The following ABHD2 variants were observed in gnomAD, a reference collection of about 807,000 sequenced individuals.
ABHD2 encodes the protein monoacylglycerol lipase ABHD2.
A neutral mutation model predicts 48.1 loss-of-function variants in ABHD2; 20 were observed. That is an observed-to-expected ratio of 0.42 (90% CI 0.29 to 0.60). The LOEUF is 0.60. Ranked by LOEUF, ABHD2 falls within the 20% of genes least tolerant of loss-of-function variation. ABHD2 has a pLI of 0.24. For synonymous variants in ABHD2, 209 were observed against 214.2 expected, an observed-to-expected ratio of 0.98 and a Z score of 0.21; for missense variants, 405 against 550.9, an observed-to-expected ratio of 0.74 and a Z score of 2.65.
chr15:89,060,676 T>C, the ABHD2 span, among the ~76,000 whole-genome samples: 1 of 152,138 alleles, frequency 6.6e-6, no homozygotes, highest in African/African-American at 2.4e-5. Context: ...AGGAAGTTGT[T>C]TGAAGCTTTT....
intron 3 of ABHD2, among the ~76,000 whole-genome samples, chr15:89,133,122 A>AC (rs2050245807): frequency 6.6e-6 from 1 of 152,164 alleles, no homozygotes; most frequent in Non-Finnish European, 1.5e-5. Context: ...AGAACCTATG[A>AC]CCTTGTACCC....
In ABHD2 at chr15:89,185,382, C is replaced by G. The variant is rs185898664; in HGVS notation, c.723-42C>G. On this transcript the variant is annotated intron_variant, in intron 6 of 10. Transcript: ENST00000352732. The surrounding 1 kb of genome is among the most constrained non-coding windows in gnomAD (Gnocchi z 5.9). ...GCCCCCTCCTGGCTGCCCGCCTGCA[C>G]CCCCACACCGCAGTCACCCTCACTC... The G allele has an allele frequency of 1.9e-6, 3 of 1,568,572 alleles. No individual in the cohort carries two copies. In the South Asian group the frequency reaches 3.3e-5, roughly 17 times the overall value.
chr15:89,125,712 G>C (rs1456425176), intron 3 of ABHD2, among the ~76,000 whole-genome samples: 1 of 152,132 alleles, frequency 6.6e-6, no homozygotes, highest in Non-Finnish European at 1.5e-5. Flanking sequence ...TCACTATCTT[G>C]GATGTTGCCT....
chr15:89,175,887 G>C lies in ABHD2; in HGVS notation c.614G>C (p.Gly205Ala). ...TYPLTQLVVV[G>A]FSLGGNIVCK... ...CCCCTGACCCAGCTGGTCGTCGTGG[G>C]CTTCAGCCTGGGTGGTAACATTGTG... is the stretch of plus-strand genomic sequence containing the variant. Residue 205 changes from glycine (G) to alanine (A), a missense_variant, in exon 6 of 11, where the codon GGC (glycine) becomes GCC (alanine). Gly to Ala is a moderately conservative substitution (Grantham distance 60). Transcript: ENST00000352732. This position sits in a 1 kb window ranked among gnomAD's most constrained non-coding sequence, Gnocchi z 5.7. The C allele has an allele frequency of 6.2e-7, 1 of 1,614,126 alleles. No individual in the cohort carries two copies. The highest frequency in any genetic ancestry group is 8.5e-7 in the Non-Finnish European group (1 of 1,180,014).
At chr15:89,190,344 C>A (rs574582877) in intron 8 of ABHD2, among the ~76,000 whole-genome samples, 2 of 152,322 alleles carry the variant, frequency 1.3e-5, no homozygotes, top group South Asian at 4.1e-4. Context: ...TCATGCTGAG[C>A]ACTGAAGGTT....
At chr15:89,085,686 T>C (rs1901335543), upstream of ABHD2, among the ~76,000 whole-genome samples, 1 of 152,202 alleles carries the variant, frequency 6.6e-6, no homozygotes, top group South Asian at 2.1e-4. The surrounding 1 kb of genome is among the most constrained non-coding windows in gnomAD (Gnocchi z 4.2). Flanking sequence ...GCTGAACCTA[T>C]GTTCCTGAGA....
intron 9 of ABHD2, among the ~76,000 whole-genome samples, chr15:89,192,729 A>G (rs940966106): frequency 2.0e-5 from 3 of 152,018 alleles, no homozygotes; most frequent in African/African-American, 7.2e-5. Flanking sequence ...ACAAATAGAG[A>G]CTGGGCTGTG....
chr15:89,047,573 G>C, the ABHD2 span, among the ~76,000 whole-genome samples: 2 of 146,684 alleles, frequency 1.4e-5, no homozygotes, highest in African/African-American at 5.2e-5. Context: ...TTATGAATCT[G>C]GGTGCTCCTG....
chr15:89,170,853 C>T (rs1249216452), intron 5 of ABHD2, among the ~76,000 whole-genome samples: 1 of 152,146 alleles, frequency 6.6e-6, no homozygotes, highest in Non-Finnish European at 1.5e-5. Context: ...CGCGGTGGCT[C>T]ACACCTGTAA....
At chr15:89,098,225 T>A (rs2049644994) in intron 1 of ABHD2, among the ~76,000 whole-genome samples, 1 of 152,174 alleles carries the variant, frequency 6.6e-6, no homozygotes, top group Admixed American at 6.5e-5. Flanking sequence ...TCCTATTACT[T>A]TTTCTCATGT....
At chr15:89,070,500 G>C in the ABHD2 span, among the ~76,000 whole-genome samples, 12 of 152,086 alleles carry the variant, frequency 7.9e-5, no homozygotes, top group African/African-American at 2.9e-4. Context: ...GTTTCCTCTT[G>C]GTCTGGAGAT....
chr15:89,126,209 G>A lies in ABHD2; in HGVS notation c.194+9688G>A, dbSNP rs190244960. Among the ~76,000 whole-genome samples, 25 of 152,292 alleles carry A rather than the reference G, an allele frequency of 1.6e-4. No homozygotes were observed. The East Asian group carries it at 4.1e-3, about 25-fold the overall frequency. ...GGTATCAAATTCAGTACATGTGGAC[G>A]GTAAGTGGGCCTTGGCTCCACGTGT... On this transcript the variant is annotated intron_variant, in intron 3 of 10. Coordinates refer to ENST00000352732, the MANE Select transcript of ABHD2 (RefSeq NM_152924.5).
In ABHD2 at chr15:89,102,531, T is replaced by C. The variant is rs2049717482; in HGVS notation, c.-106-11194T>C. ...TCCTCTTCATTTGCAAGCCACTGCT[T>C]TATCCACGAGGGTGCTCCCTACTTA... On this transcript the variant is annotated intron_variant, in intron 1 of 10. Coordinates refer to ENST00000352732, the MANE Select transcript of ABHD2 (RefSeq NM_152924.5). The surrounding 1 kb of genome is among the most constrained non-coding windows in gnomAD (Gnocchi z 4.8). 6.6e-6 allele frequency: 1 copy of C among 152,244 alleles called. No homozygotes were observed. The highest frequency in any genetic ancestry group is 2.4e-5 in the African/African-American group (1 of 41,460). The allele number at this position is 152,244 out of a possible 1,614,324, so 9.4% of individuals were successfully genotyped here. A position where few individuals can be genotyped will look rare whatever the true frequency, so the allele number is the denominator to read the frequency against.
Position 89,174,620 on chromosome 15 carries a change from CA to C in ABHD2, c.539-1188del, listed in dbSNP as rs1251909717. Among the ~76,000 whole-genome samples, 2 of 152,214 alleles carry C rather than the reference CA, an allele frequency of 1.3e-5. No individual in the cohort carries two copies. Among genetic ancestry groups the C allele is most frequent in the Non-Finnish European group, 2.9e-5 (2 of 68,040 alleles). ...AGCTGTTCAACTCTATTAAGAATGC[CA>C]AAACCTCTGAGCTGGTGCCAAAGTC... On this transcript the variant is annotated intron_variant, in intron 5 of 10. Coordinates refer to ENST00000352732, the MANE Select transcript of ABHD2 (RefSeq NM_152924.5). The surrounding 1 kb of genome is among the most constrained non-coding windows in gnomAD (Gnocchi z 4.1).
chr15:89,191,025 C>G, intron 8 of ABHD2, 55 bp from the exon 9 acceptor site: 1 of 1,574,578 alleles, frequency 6.4e-7, no homozygotes. Flanking sequence ...GCATTCTGAT[C>G]TTAAAGACCA....
chr15:89,189,730 T>C lies in ABHD2; in HGVS notation c.927-1350T>C, dbSNP rs968492797. 2.0e-4 allele frequency among the ~76,000 whole-genome samples: 31 copies of C among 152,070 alleles called. 1 individual carries two copies. The highest frequency in any genetic ancestry group is 7.5e-4 in the African/African-American group (31 of 41,396). On this transcript the variant is annotated intron_variant, in intron 8 of 10. Coordinates refer to ENST00000352732, the MANE Select transcript of ABHD2 (RefSeq NM_152924.5). The surrounding 1 kb of genome is among the most constrained non-coding windows in gnomAD (Gnocchi z 4.9). Reference sequence around the variant, plus strand: ...GCTGGTATGTTCAGAAGGTGAAAAATGAATCTTACCCACCCTCACTTCAGA... The same window carrying C: ...GCTGGTATGTTCAGAAGGTGAAAAACGAATCTTACCCACCCTCACTTCAGA...
chr15:89,117,720 C>A (rs1208450567), intron 3 of ABHD2, among the ~76,000 whole-genome samples: 1 of 152,216 alleles, frequency 6.6e-6, no homozygotes, highest in East Asian at 1.9e-4. Flanking sequence ...CCTGATAGCA[C>A]CTCTCATCAC....
the ABHD2 span, among the ~76,000 whole-genome samples, chr15:89,052,580 C>T: frequency 2.8e-5 from 4 of 144,264 alleles, no homozygotes; most frequent in East Asian, 2.1e-4. Context: ...CACACACACA[C>T]GACACACACA....
rs1347537460 is a variant in ABHD2, at chr15:89,102,109, C to G, written c.-106-11616C>G. On this transcript the variant is annotated intron_variant, in intron 1 of 10. Coordinates refer to ENST00000352732, the MANE Select transcript of ABHD2 (RefSeq NM_152924.5). This position sits in a 1 kb window ranked among gnomAD's most constrained non-coding sequence, Gnocchi z 4.8. ...TCCAAAACACACCCCTCTTGTCCATCTGCCCATTTCCTGACCGCCCAGCAT... is the reference window on the plus strand; with the variant it reads ...TCCAAAACACACCCCTCTTGTCCATGTGCCCATTTCCTGACCGCCCAGCAT... Among the ~76,000 whole-genome samples, 1 of 152,174 alleles carries G rather than the reference C, an allele frequency of 6.6e-6. No homozygotes were observed. Among genetic ancestry groups the G allele is most frequent in the East Asian group, 1.9e-4 (1 of 5,190 alleles).
Sources: allele counts gnomAD v4.1 joint callset (sites outside exome capture counted in the v4.1 genomes callset), GRCh38; gene constraint gnomAD v4.1.1; non-coding constraint Gnocchi (gnomAD v3.1); transcripts MANE v1.5; gene names NCBI Gene and HGNC (gene_info 2026-07-23, HGNC 2026-07-21).